PLCL2: variants seen among roughly 807,000 people sequenced by gnomAD.
The protein encoded by PLCL2 is phospholipase C like 2.
A neutral mutation model predicts 79.6 loss-of-function variants in PLCL2; 4 were observed. The ratio of observed to expected loss-of-function variants is 0.05; its 90% CI spans 0.02 to 0.11. The LOEUF is 0.11. PLCL2 is among the 10% of genes least tolerant of loss of function. The pLI, the probability that PLCL2 is intolerant of heterozygous loss-of-function variation, is 1.00. For missense variants in PLCL2, 895 were observed against 1,291.0 expected, an observed-to-expected ratio of 0.69 and a Z score of 4.70; for synonymous variants, 484 against 457.7, an observed-to-expected ratio of 1.06 and a Z score of -0.73.
chr3:17,043,238 C>T (rs1308976529), intron 4 of PLCL2, among the ~76,000 whole-genome samples: 1 of 152,144 alleles, frequency 6.6e-6, no homozygotes, highest in African/African-American at 2.4e-5. Context: ...AGAAACTCTG[C>T]ACTAATCTCT....
intron 1 of PLCL2, among the ~76,000 whole-genome samples, chr3:16,903,939 CAT>C (rs1249083265): frequency 1.3e-5 from 2 of 152,200 alleles, no homozygotes; most frequent in Non-Finnish European, 2.9e-5. Context: ...ATTACAATCA[CAT>C]GTTAGTTTTC....
chr3:16,911,257 A>G (rs1414548458), intron 1 of PLCL2, among the ~76,000 whole-genome samples: 1 of 151,478 alleles, frequency 6.6e-6, no homozygotes, highest in Non-Finnish European at 1.5e-5. Flanking sequence ...TGTCTCAAAA[A>G]AAAAAAAAAA....
At chr3:17,080,050 G>A (rs1044661520) in intron 5 of PLCL2, among the ~76,000 whole-genome samples, 7 of 152,214 alleles carry the variant, frequency 4.6e-5, no homozygotes, top group Non-Finnish European at 1.0e-4. Flanking sequence ...ACCCTTTGGG[G>A]TGGAGGTCAG....
intron 5 of PLCL2, among the ~76,000 whole-genome samples, chr3:17,085,606 C>T (rs1321016765): frequency 4.6e-5 from 7 of 151,890 alleles, no homozygotes; most frequent in Admixed American, 1.3e-4. Context: ...CCCGCCACCA[C>T]GCCCGGCTAA....
chr3:17,079,757 A>G (rs1014634388), intron 5 of PLCL2, among the ~76,000 whole-genome samples: 1 of 152,242 alleles, frequency 6.6e-6, no homozygotes, highest in African/African-American at 2.4e-5. Context: ...ATTTAAAATT[A>G]TTAACTTTTG....
intron 1 of PLCL2, among the ~76,000 whole-genome samples, chr3:16,927,280 A>T (rs567158232): frequency 2.2e-4 from 34 of 152,320 alleles, no homozygotes; most frequent in Middle Eastern, 6.8e-3. Context: ...ACCAAAGTGA[A>T]TATTTTTCCA....
At chr3:16,962,236 G>T (rs1411557158) in intron 1 of PLCL2, among the ~76,000 whole-genome samples, 1 of 152,098 alleles carries the variant, frequency 6.6e-6, no homozygotes, top group Non-Finnish European at 1.5e-5. Flanking sequence ...TTTTGAAAGG[G>T]GATGATCAGT....
At chr3:17,034,875 C>T (rs998857623) in intron 3 of PLCL2, among the ~76,000 whole-genome samples, 1 of 149,212 alleles carries the variant, frequency 6.7e-6, no homozygotes, top group Non-Finnish European at 1.5e-5. Context: ...CACCAAATGA[C>T]CAGATCCGCA....
chr3:17,017,048 A>G (rs998345865), intron 3 of PLCL2, among the ~76,000 whole-genome samples: 5 of 152,170 alleles, frequency 3.3e-5, no homozygotes, highest in Non-Finnish European at 7.4e-5. Flanking sequence ...CTCATGGTCT[A>G]TGTTAAAAAT....
At chr3:17,019,488 C>G (rs1333849866) in intron 3 of PLCL2, among the ~76,000 whole-genome samples, 2 of 152,086 alleles carry the variant, frequency 1.3e-5, no homozygotes, top group Non-Finnish European at 2.9e-5. Flanking sequence ...TTTCTGCAAT[C>G]CAGATCAGAA....
At chr3:17,007,997 A>T (rs1053983099) in intron 1 of PLCL2, among the ~76,000 whole-genome samples, 2 of 152,190 alleles carry the variant, frequency 1.3e-5, no homozygotes, top group Non-Finnish European at 2.9e-5. Flanking sequence ...GTCTCCATAC[A>T]AGGAAGGACT....
At chr3:17,006,258 T>G (rs2064259320) in intron 1 of PLCL2, among the ~76,000 whole-genome samples, 1 of 152,148 alleles carries the variant, frequency 6.6e-6, no homozygotes, top group Non-Finnish European at 1.5e-5. Flanking sequence ...CAAGTTGAAA[T>G]GAGTAAGAGT....
chr3:17,063,648 C>G (rs912711728), intron 4 of PLCL2, among the ~76,000 whole-genome samples: 1 of 152,000 alleles, frequency 6.6e-6, no homozygotes, highest in Admixed American at 6.6e-5. Flanking sequence ...GCTGCCTGTC[C>G]CCACCATTCT....
chr3:17,056,812 A>G (rs1231848012), intron 4 of PLCL2, among the ~76,000 whole-genome samples: 1 of 152,218 alleles, frequency 6.6e-6, no homozygotes, highest in African/African-American at 2.4e-5. Flanking sequence ...AACAGGTATA[A>G]ATGAAATTTG....
At chr3:16,941,590 C>G (rs1181477508) in intron 1 of PLCL2, among the ~76,000 whole-genome samples, 1 of 152,144 alleles carries the variant, frequency 6.6e-6, no homozygotes, top group Non-Finnish European at 1.5e-5. Context: ...TGCCTCGAAG[C>G]CTCATGATGT....
At chr3:16,952,215 A>G (rs2063660238) in intron 1 of PLCL2, among the ~76,000 whole-genome samples, 1 of 151,934 alleles carries the variant, frequency 6.6e-6, no homozygotes, top group Admixed American at 6.6e-5. Context: ...GCATTAGGAC[A>G]AATACCTAAT....
chr3:17,007,460 G>C (rs181863143), intron 1 of PLCL2, among the ~76,000 whole-genome samples: 38 of 152,264 alleles, frequency 2.5e-4, no homozygotes, highest in Non-Finnish European at 4.6e-4. Flanking sequence ...GTATCTTACA[G>C]ATACAATTAC....
At chr3:16,926,529 G>C (rs1027496501) in intron 1 of PLCL2, among the ~76,000 whole-genome samples, 5 of 152,028 alleles carry the variant, frequency 3.3e-5, no homozygotes, top group African/African-American at 1.2e-4. Context: ...TTTTTTGAAA[G>C]ATAAATAATG....
intron 3 of PLCL2, among the ~76,000 whole-genome samples, chr3:17,016,732 G>A (rs540550547): frequency 3.6e-4 from 55 of 152,178 alleles, no homozygotes; most frequent in Non-Finnish European, 7.2e-4. Flanking sequence ...AATAGTTCTT[G>A]ACTTAAGTTT....
Sources: allele counts gnomAD v4.1 joint callset (sites outside exome capture counted in the v4.1 genomes callset), GRCh38; gene constraint gnomAD v4.1.1; transcripts MANE v1.5; gene names NCBI Gene and HGNC (gene_info 2026-07-23, HGNC 2026-07-21).